Variants in UMAD1 observed in about 807,000 individuals in gnomAD.
The protein encoded by UMAD1 is UBAP1-MVB12-associated (UMA)-domain containing protein 1.
Under a neutral mutation model 6.1 loss-of-function variants are expected in UMAD1, and 8 were observed. The observed-to-expected ratio is 1.30, with a 90% CI of 0.76 to 2.35. The LOEUF (loss-of-function observed/expected upper bound fraction) is 2.35, where lower values mean the gene tolerates loss of function less well. Among genes scored for constraint, UMAD1 ranks in the 30% most tolerant of loss-of-function variants. UMAD1 has a pLI of 0.00. For missense variants in UMAD1, 130 were observed against 78.4 expected (o/e 1.66, Z -2.49); for synonymous variants, 56 against 31.4 (o/e 1.78, Z -2.61).
chr7:7,742,044 A>G (rs1188766998), intron 2 of UMAD1: 1 of 526,050 alleles, frequency 1.9e-6, no homozygotes, highest in Non-Finnish European at 3.7e-6. Context: ...GTTCCATTGT[A>G]CAGCACAGGG....
intron 2 of UMAD1, among the ~76,000 whole-genome samples, chr7:7,711,027 T>G (rs1022576971): frequency 4.6e-5 from 7 of 152,020 alleles, no homozygotes; most frequent in Non-Finnish European, 7.4e-5. Flanking sequence ...TGGTCGCCGG[T>G]GGGTAAGGAT....
intron 2 of UMAD1, among the ~76,000 whole-genome samples, chr7:7,693,160 A>G (rs17481381): frequency 0.018 from 2,700 of 152,318 alleles, 29 homozygotes; most frequent in Non-Finnish European, 0.027. Context: ...TGAATCTCTC[A>G]GGGAGCTGTA....
At chr7:7,646,280 A>G (rs1457192542) in intron 1 of UMAD1, among the ~76,000 whole-genome samples, 1 of 140,332 alleles carries the variant, frequency 7.1e-6, no homozygotes, top group Non-Finnish European at 1.5e-5. Context: ...GGTGGCTCTC[A>G]GTGGGATGGT....
At chr7:7,823,699 G>C (rs1783287831) in intron 3 of UMAD1, among the ~76,000 whole-genome samples, 1 of 151,776 alleles carries the variant, frequency 6.6e-6, no homozygotes. Flanking sequence ...ATATATTTCT[G>C]GATAATTTTC....
chr7:7,680,085 C>A (rs1284301881), intron 2 of UMAD1, among the ~76,000 whole-genome samples: 3 of 151,964 alleles, frequency 2.0e-5, no homozygotes, highest in Non-Finnish European at 4.4e-5. Context: ...GTTGCCTGTG[C>A]TTGTGGGGTA....
chr7:7,783,497 C>T (rs1057377529), intron 2 of UMAD1, among the ~76,000 whole-genome samples: 2 of 151,668 alleles, frequency 1.3e-5, no homozygotes, highest in Non-Finnish European at 1.5e-5. Flanking sequence ...TCAGAATGGA[C>T]AATCAGGACA....
chr7:7,831,969 G>T (rs902878574), intron 3 of UMAD1, among the ~76,000 whole-genome samples: 1 of 152,144 alleles, frequency 6.6e-6, no homozygotes, highest in South Asian at 2.1e-4. Context: ...TTAGCCAATT[G>T]TGTGTGCAAT....
chr7:7,750,164 G>A (rs1781650884), intron 2 of UMAD1, among the ~76,000 whole-genome samples: 1 of 152,118 alleles, frequency 6.6e-6, no homozygotes, highest in Admixed American at 6.5e-5. Context: ...CTTTATATAT[G>A]TCTTATATAA....
chr7:7,791,703 G>A (rs770896346), intron 2 of UMAD1, among the ~76,000 whole-genome samples: 7 of 152,158 alleles, frequency 4.6e-5, no homozygotes, highest in Non-Finnish European at 1.0e-4. Flanking sequence ...TTAATTAAGA[G>A]CAGACCGGTA....
chr7:7,733,747 G>A (rs1781298263), intron 2 of UMAD1, among the ~76,000 whole-genome samples: 2 of 150,688 alleles, frequency 1.3e-5, no homozygotes, highest in South Asian at 2.1e-4. Context: ...TTATAGTTGT[G>A]CGTTGTATGG....
At chr7:7,829,461 G>A (rs186206807) in intron 3 of UMAD1, among the ~76,000 whole-genome samples, 20 of 151,998 alleles carry the variant, frequency 1.3e-4, no homozygotes, top group African/African-American at 4.8e-4. Flanking sequence ...GACACTTAGT[G>A]CAAATCATAT....
intron 2 of UMAD1, among the ~76,000 whole-genome samples, chr7:7,784,825 G>C (rs796788211): frequency 3.9e-5 from 5 of 128,246 alleles, no homozygotes; most frequent in South Asian, 2.5e-4. Flanking sequence ...GCAGTGGCGC[G>C]ATCTCGGCTC....
intron 2 of UMAD1, among the ~76,000 whole-genome samples, chr7:7,782,046 C>G (rs897460491): frequency 6.6e-6 from 1 of 151,958 alleles, no homozygotes; most frequent in Non-Finnish European, 1.5e-5. Flanking sequence ...TCTATCATTA[C>G]GTTAGGAAAA....
chr7:7,760,370 C>CA (rs1225655386), intron 2 of UMAD1, among the ~76,000 whole-genome samples: 1 of 151,044 alleles, frequency 6.6e-6, no homozygotes, highest in Non-Finnish European at 1.5e-5. Context: ...TCCTGGCTAA[C>CA]ACGGTGAAAC....
chr7:7,742,083 G>A (rs764186114), intron 2 of UMAD1: 1 of 570,944 alleles, frequency 1.8e-6, no homozygotes, highest in Non-Finnish European at 3.4e-6. Flanking sequence ...TTTAGTAAAC[G>A]CTTGTTGATA....
chr7:7,721,031 A>G (rs993494147), intron 2 of UMAD1, among the ~76,000 whole-genome samples: 1 of 152,200 alleles, frequency 6.6e-6, no homozygotes, highest in African/African-American at 2.4e-5. Context: ...AGAAATGGCC[A>G]TGTGAGAGAG....
intron 2 of UMAD1, among the ~76,000 whole-genome samples, chr7:7,796,410 C>T (rs958194480): frequency 6.6e-6 from 1 of 151,758 alleles, no homozygotes; most frequent in African/African-American, 2.4e-5. Context: ...CCCTACCGCA[C>T]CCGGCTAATT....
chr7:7,866,378 A>G (rs974201606), intron 3 of UMAD1, among the ~76,000 whole-genome samples: 5 of 152,202 alleles, frequency 3.3e-5, no homozygotes, highest in African/African-American at 4.8e-5. Flanking sequence ...GGAAGTATGC[A>G]TAAGCTGTTA....
At chr7:7,818,643 C>T (rs1404994148) in intron 3 of UMAD1, among the ~76,000 whole-genome samples, 1 of 152,128 alleles carries the variant, frequency 6.6e-6, no homozygotes, top group Non-Finnish European at 1.5e-5. Context: ...TACCATTTGA[C>T]CCAGCAATAC....
Sources: allele counts gnomAD v4.1 joint callset (sites outside exome capture counted in the v4.1 genomes callset), GRCh38; gene constraint gnomAD v4.1.1; transcripts MANE v1.5; gene names NCBI Gene and HGNC (gene_info 2026-07-23, HGNC 2026-07-21).